NFIC: variants seen among roughly 807,000 people sequenced by gnomAD.
The protein encoded by NFIC is nuclear factor 1 C-type.
NFIC carries 12 observed loss-of-function variants against 54.4 expected under a neutral mutation model. The ratio of observed to expected loss-of-function variants is 0.22; its 90% CI spans 0.14 to 0.36. The LOEUF is 0.36. NFIC is among the 10% of genes least tolerant of loss of function. NFIC has a pLI of 1.00. For synonymous variants in NFIC, 322 were observed against 319.2 expected, an observed-to-expected ratio of 1.01 and a Z score of -0.09; for missense variants, 575 against 718.2, an observed-to-expected ratio of 0.80 and a Z score of 2.28.
In NFIC at chr19:3,453,791, C is replaced by T. The variant is rs768252135; in HGVS notation, c.1298C>T (p.Pro433Leu). ...PLNGSGQLKM[P>L]SHCLSAQMLA... is the part of the protein sequence containing the mutation. Reference sequence around the variant, plus strand: ...AATGGAAGTGGTCAGCTCAAAATGCCCAGCCACTGCCTTTCTGCTCAGATG... The same window carrying T: ...AATGGAAGTGGTCAGCTCAAAATGCTCAGCCACTGCCTTTCTGCTCAGATG... The change falls in exon 9 of 11, where the codon CCC becomes CTC. Residue 433 changes from proline to leucine, a missense_variant. By Grantham distance (98) the Pro-to-Leu change is moderately conservative. This residue lies in a region of NFIC where 447 missense variants were observed against 526.9 expected (regional missense o/e 0.85). Coordinates refer to ENST00000443272, the MANE Select transcript of NFIC (RefSeq NM_001245002.2). The surrounding 1 kb of genome is among the most constrained non-coding windows in gnomAD (Gnocchi z 6.7). The T allele has an allele frequency of 6.2e-7, 1 of 1,605,648 alleles. No homozygotes were observed.
upstream of NFIC, among the ~76,000 whole-genome samples, chr19:3,363,928 C>T (rs1339420673): frequency 1.3e-5 from 2 of 152,220 alleles, no homozygotes; most frequent in Non-Finnish European, 2.9e-5. Flanking sequence ...TTTCTGTCCC[C>T]CCACTTGTCT....
chr19:3,407,174 T>C (rs145932930), intron 2 of NFIC, among the ~76,000 whole-genome samples: 8,155 of 150,202 alleles, frequency 0.054, 721 homozygotes, highest in African/African-American at 0.19. Flanking sequence ...AGTGCAGTGG[T>C]GCGATCTCGG....
intron 1 of NFIC, among the ~76,000 whole-genome samples, chr19:3,368,215 G>A (rs1033078791): frequency 4.6e-5 from 7 of 152,212 alleles, no homozygotes; most frequent in Admixed American, 6.5e-5. Flanking sequence ...CTCACCAGCT[G>A]GAAGGAGCCA....
intron 2 of NFIC, among the ~76,000 whole-genome samples, chr19:3,408,120 C>T (rs924824152): frequency 1.3e-5 from 2 of 152,034 alleles, no homozygotes; most frequent in Non-Finnish European, 2.9e-5. Flanking sequence ...AGCCGGCTAA[C>T]GTTGGAAAAT....
At chr19:3,388,106 G>A (rs1197728312) in intron 2 of NFIC, among the ~76,000 whole-genome samples, 2 of 152,160 alleles carry the variant, frequency 1.3e-5, no homozygotes, top group African/African-American at 4.8e-5. Context: ...TCCTGTTCCC[G>A]CCTTGCGTCG....
chr19:3,388,419 G>A (rs549676975), intron 2 of NFIC, among the ~76,000 whole-genome samples: 5 of 152,248 alleles, frequency 3.3e-5, no homozygotes, highest in African/African-American at 7.2e-5. Flanking sequence ...GCCTTCTCTC[G>A]TGTTCTAGTG....
intron 1 of NFIC, among the ~76,000 whole-genome samples, chr19:3,378,418 C>T (rs2081144841): frequency 6.6e-6 from 1 of 152,216 alleles, no homozygotes; most frequent in Non-Finnish European, 1.5e-5. Flanking sequence ...GCTATGCAGA[C>T]TCAGTTTCCC....
chr19:3,361,254 G>C (rs1044996877), intron 1 of NFIC, among the ~76,000 whole-genome samples: 3 of 152,194 alleles, frequency 2.0e-5, no homozygotes, highest in Non-Finnish European at 4.4e-5. Flanking sequence ...CGGGGCGGCA[G>C]GGGTTCCCCC....
intron 6 of NFIC, among the ~76,000 whole-genome samples, chr19:3,443,431 A>G (rs1052226827): frequency 6.6e-6 from 1 of 151,854 alleles, no homozygotes; most frequent in Non-Finnish European, 1.5e-5. Context: ...TCAAAAAAAA[A>G]AAAAGAAAAA....
At chr19:3,388,415 T>C (rs144776468) in intron 2 of NFIC, among the ~76,000 whole-genome samples, 70 of 152,232 alleles carry the variant, frequency 4.6e-4, no homozygotes, top group South Asian at 3.3e-3. Flanking sequence ...TTTGGCCTTC[T>C]CTCGTGTTCT....
intron 2 of NFIC, among the ~76,000 whole-genome samples, chr19:3,415,148 G>C (rs955386167): frequency 1.3e-5 from 2 of 150,884 alleles, no homozygotes; most frequent in Non-Finnish European, 3.0e-5. Context: ...CCAAGTGCTT[G>C]GTTCTTTAGT....
chr19:3,390,453 G>A (rs756777486), intron 2 of NFIC, among the ~76,000 whole-genome samples: 3 of 152,136 alleles, frequency 2.0e-5, no homozygotes, highest in Admixed American at 1.3e-4. Context: ...GTGTCAGGGA[G>A]AATGAGGGGC....
Position 3,464,455 on chromosome 19 carries a change from T to C in NFIC, c.*1686T>C, listed in dbSNP as rs1364893254. The C allele has an allele frequency of 2.0e-6, 2 of 983,128 alleles. No individual in the cohort carries two copies. The highest frequency in any genetic ancestry group is 2.4e-6 in the Non-Finnish European group (2 of 829,210). The allele number at this position is 983,128 out of a possible 1,614,324, so 60.9% of individuals were successfully genotyped here. On this transcript the variant is annotated 3_prime_UTR_variant, in exon 11 of 11. Transcript: ENST00000443272. ...CACCCCCACCCCAGGATCGCCATCT[T>C]TAGGGGAGGCCTGGGAGGGGGTGTT...
In NFIC at chr19:3,453,744, T is replaced by C. The variant is rs756679721; in HGVS notation, c.1270-19T>C. 2 of 1,594,624 alleles carry C rather than the reference T, an allele frequency of 1.3e-6. No individual in the cohort carries two copies. The highest frequency in any genetic ancestry group is 3.5e-5 in the Admixed American group (2 of 56,752). ...AGGGGGAGCCCACCCCTTAACCACG[T>C]GTCTCTCTGTTCCCCCAGTTAAATG... On this transcript the variant is annotated intron_variant, in intron 8 of 10. Transcript: ENST00000443272. The surrounding 1 kb of genome is among the most constrained non-coding windows in gnomAD (Gnocchi z 6.7).
chr19:3,390,205 G>T (rs1599597280), intron 2 of NFIC, among the ~76,000 whole-genome samples: 1 of 152,222 alleles, frequency 6.6e-6, no homozygotes, highest in African/African-American at 2.4e-5. Flanking sequence ...GGGGTGAGGG[G>T]TTCCTGGCAG....
At chr19:3,367,489 TC>T (rs2080916711) in intron 1 of NFIC, among the ~76,000 whole-genome samples, 1 of 150,912 alleles carries the variant, frequency 6.6e-6, no homozygotes, top group Non-Finnish European at 1.5e-5. Flanking sequence ...CCCCTCCCCC[TC>T]CCCCTCCCGT....
rs541323886 is a variant in NFIC at position 3,432,819 on chromosome 19, C to T, written c.635-699C>T. ...CCTCCCAGGTAGCTGGGACTACAGG[C>T]GCCTGCCACCACGCCCGGCTAATTT... On this transcript the variant is annotated intron_variant, in intron 3 of 10. Coordinates refer to ENST00000443272, the MANE Select transcript of NFIC (RefSeq NM_001245002.2). 4.6e-5 allele frequency among the ~76,000 whole-genome samples: 7 copies of T among 152,020 alleles called. No homozygotes were observed. In the South Asian group the frequency reaches 1.5e-3, roughly 32 times the overall value.
chr19:3,425,309 C>A, intron 3 of NFIC, 132 bp downstream of exon 3: 1 of 1,076,868 alleles, frequency 9.3e-7, no homozygotes, highest in Non-Finnish European at 1.3e-6. Flanking sequence ...GGTTAAGGGG[C>A]CTGTCCAGGG....
chr19:3,392,127 A>ATC (rs2081386023), intron 2 of NFIC, among the ~76,000 whole-genome samples: 1 of 134,324 alleles, frequency 7.4e-6, no homozygotes, highest in African/African-American at 2.9e-5. Context: ...GCAGGAGTGC[A>ATC]GTGGTGTGAT....
Sources: gnomAD v4.1 joint callset for allele counts (sites outside exome capture counted in the v4.1 genomes callset) on GRCh38, gnomAD v4.1.1 for gene constraint, gnomAD v4.1.1 regional missense constraint, Gnocchi (gnomAD v3.1) non-coding constraint, MANE v1.5 for transcripts, NCBI Gene and HGNC (gene_info 2026-07-23, HGNC 2026-07-21) for gene names.